The following FOXJ2 variants were observed in gnomAD, a reference collection of about 807,000 sequenced individuals.
FOXJ2 encodes forkhead box protein J2.
Under a neutral mutation model 68.4 loss-of-function variants are expected in FOXJ2, and 18 were observed. That is an observed-to-expected ratio of 0.26 (90% CI 0.18 to 0.39). The LOEUF (loss-of-function observed/expected upper bound fraction) is 0.39, where lower values mean the gene tolerates loss of function less well. FOXJ2 is among the 10% of genes least tolerant of loss of function. The pLI is 1.00. For missense variants in FOXJ2, 670 were observed against 726.5 expected, an observed-to-expected ratio of 0.92 and a Z score of 0.89; for synonymous variants, 274 against 263.2, an observed-to-expected ratio of 1.04 and a Z score of -0.40.
At chr12:8,039,238 A>T (rs930695743) in intron 1 of FOXJ2, among the ~76,000 whole-genome samples, 2 of 151,258 alleles carry the variant, frequency 1.3e-5, no homozygotes, top group Non-Finnish European at 2.9e-5. Context: ...GATATATCTA[A>T]TATGCCTCAG....
At chr12:8,043,487 G>A (rs1404950121) in intron 3 of FOXJ2, among the ~76,000 whole-genome samples, 1 of 152,142 alleles carries the variant, frequency 6.6e-6, no homozygotes, top group Admixed American at 6.5e-5. Flanking sequence ...CAGAAGGGAA[G>A]GGAGAGGCTG....
At position 8,043,690 on chromosome 12, in the gene FOXJ2, T is replaced by A. The variant is rs780550884; in HGVS notation, c.409-11T>A. On this transcript the variant is annotated splice_polypyrimidine_tract_variant and intron_variant, in intron 3 of 10. Coordinates refer to ENST00000162391, the MANE Select transcript of FOXJ2 (RefSeq NM_018416.3). ...AATTTTGTTTTCTGTGGGAATGGGA[T>A]CTCCTTCCAGGGTTCCTATTGGACA... 6.2e-7 allele frequency: 1 copy of A among 1,614,078 alleles called. No individual in the cohort carries two copies. The highest frequency in any genetic ancestry group is 8.5e-7 in the Non-Finnish European group (1 of 1,179,948).
chr12:8,050,948 C>G (rs1228490113), intron 10 of FOXJ2, among the ~76,000 whole-genome samples: 26 of 109,162 alleles, frequency 2.4e-4, no homozygotes, highest in Admixed American at 9.1e-5. Flanking sequence ...CCCTTCCCTT[C>G]CCCTTCCTTT....
In FOXJ2 at chr12:8,043,621, G is replaced by T. The variant is rs1429303406; in HGVS notation, c.409-80G>T. On this transcript the variant is annotated intron_variant, in intron 3 of 10. Coordinates refer to ENST00000162391, the MANE Select transcript of FOXJ2 (RefSeq NM_018416.3). Reference sequence around the variant, plus strand: ...CTCAGTGAGTTTCTAGGACAAATTTGCTCTTCATTAATACCCAGAACCCTG... The same window carrying T: ...CTCAGTGAGTTTCTAGGACAAATTTTCTCTTCATTAATACCCAGAACCCTG... 2.1e-6 allele frequency: 3 copies of T among 1,408,522 alleles called. No homozygotes were observed. In the Admixed American group the frequency reaches 5.2e-5, roughly 25 times the overall value. The allele number at this position is 1,408,522 out of a possible 1,614,324, so 87.3% of individuals were successfully genotyped here. A position where few individuals can be genotyped will look rare whatever the true frequency, so the allele number is the denominator to read the frequency against.
intron 1 of FOXJ2, among the ~76,000 whole-genome samples, 177 bp downstream of exon 1, chr12:8,034,010 G>A (rs996050554): frequency 1.3e-5 from 2 of 152,208 alleles, no homozygotes; most frequent in Non-Finnish European, 2.9e-5. Flanking sequence ...TGCTGCAGAA[G>A]CTCTGAGAAA....
chr12:8,036,855 G>A (rs934849121), intron 1 of FOXJ2, among the ~76,000 whole-genome samples: 5 of 152,108 alleles, frequency 3.3e-5, no homozygotes, highest in African/African-American at 4.8e-5. Context: ...TTGGGAGACC[G>A]AGATGGGTAG....
At chr12:8,034,794 C>T (rs1401102633) in intron 1 of FOXJ2, among the ~76,000 whole-genome samples, 1 of 152,180 alleles carries the variant, frequency 6.6e-6, no homozygotes, top group African/African-American at 2.4e-5. Flanking sequence ...TCCCTCGAAC[C>T]TTGTGTTAAA....
intron 8 of FOXJ2, 50 bp from the exon 9 acceptor site, chr12:8,049,312 G>C (rs767729710): frequency 2.0e-6 from 3 of 1,516,756 alleles, no homozygotes; most frequent in Admixed American, 3.6e-5. Context: ...GGGTCTGATA[G>C]GGGCTTCCTA....
intron 7 of FOXJ2, among the ~76,000 whole-genome samples, 193 bp from the exon 8 acceptor site, chr12:8,048,504 G>C (rs1240349729): frequency 6.6e-6 from 1 of 152,242 alleles, no homozygotes; most frequent in Non-Finnish European, 1.5e-5. Flanking sequence ...TCCTGACTAT[G>C]AGCCTGGCTG....
chr12:8,042,599 T>G, intron 2 of FOXJ2, 59 bp from the exon 3 acceptor site: 1 of 1,436,168 alleles, frequency 7.0e-7, no homozygotes, highest in Non-Finnish European at 9.8e-7. Flanking sequence ...CTGTGTTCTA[T>G]TGGAAAATGT....
chr12:8,039,898 T>C lies in FOXJ2; in HGVS notation c.66T>C (p.Ala22=), dbSNP rs766547030. Residue 22 remains alanine (A), a synonymous_variant, in exon 2 of 11, where the codon GCT becomes GCC. Coordinates refer to ENST00000162391, the MANE Select transcript of FOXJ2 (RefSeq NM_018416.3). ...IDWLPQLTLR[A]TIEKLGSASQ... ...GGCTCCCCCAGCTGACCCTCCGAGCTACCATTGAGAAGCTTGGAAGTGCCT... is the reference window on the plus strand; with the variant it reads ...GGCTCCCCCAGCTGACCCTCCGAGCCACCATTGAGAAGCTTGGAAGTGCCT... 14 of 1,614,032 alleles carry C rather than the reference T, an allele frequency of 8.7e-6. No individual in the cohort carries two copies. The East Asian group carries it at 2.7e-4, about 31-fold the overall frequency.
chr12:8,043,231 A>AC (rs1245199920), intron 3 of FOXJ2, among the ~76,000 whole-genome samples: 1 of 151,730 alleles, frequency 6.6e-6, no homozygotes, highest in East Asian at 1.9e-4. Flanking sequence ...AAAAAAAAAA[A>AC]AAAAAAAGAC....
intron 8 of FOXJ2, 134 bp from the exon 9 acceptor site, chr12:8,049,228 T>C: frequency 1.4e-6 from 1 of 692,858 alleles, no homozygotes; most frequent in Non-Finnish European, 2.5e-6. Flanking sequence ...CTCTGAAAGA[T>C]ATAAATTGTT....
Position 8,055,330 on chromosome 12 carries a change from C to A in FOXJ2, c.*2480C>A, listed in dbSNP as rs906282424. The A allele has an allele frequency of 6.6e-6, 1 of 152,522 alleles. No homozygotes were observed. The highest frequency in any genetic ancestry group is 1.5e-5 in the Non-Finnish European group (1 of 68,020). The allele number at this position is 152,522 out of a possible 1,614,324, so 9.4% of individuals were successfully genotyped here. A position where few individuals can be genotyped will look rare whatever the true frequency, so the allele number is the denominator to read the frequency against. On this transcript the variant is annotated 3_prime_UTR_variant, in exon 11 of 11. Transcript: ENST00000162391. ...GAGTAATTATTTGGTATAGATCCAC[C>A]CATCCCAACCTTTCTCTCCTCAGTC...
At chr12:8,044,637 C>A in intron 5 of FOXJ2, 123 bp from the exon 6 acceptor site, 2 of 901,256 alleles carry the variant, frequency 2.2e-6, no homozygotes, top group Non-Finnish European at 1.7e-6. Context: ...GAAAATGATG[C>A]TGGGTCATTG....
rs779197653 is a variant in FOXJ2 at position 8,050,288 on chromosome 12, A to G, written c.1538-234A>G. 1.1e-4 allele frequency: 140 copies of G among 1,253,786 alleles called. 1 individual carries two copies. The highest frequency in any genetic ancestry group is 1.4e-4 in the Non-Finnish European group (139 of 999,648). 77.7% of individuals were successfully genotyped at this position (1,253,786 alleles called of 1,614,324 possible). On this transcript the variant is annotated intron_variant, in intron 9 of 10. Transcript: ENST00000162391. ...ACCATACCTGGCCCTGTGTTTCTAT[A>G]TTTTTCTTCCTTATATCTTTCCTAT... is the stretch of plus-strand genomic sequence containing the variant.
intron 1 of FOXJ2, among the ~76,000 whole-genome samples, chr12:8,036,001 T>C (rs12321718): frequency 0.75 from 114,093 of 152,120 alleles, 43,478 homozygotes; most frequent in African/African-American, 0.83. Flanking sequence ...TGCTTCCACT[T>C]CTACCTCTAT....
rs763564059 is a variant in FOXJ2, at chr12:8,049,380, G to A, written c.1346G>A (p.Arg449Gln). 4 of 1,613,222 alleles carry A rather than the reference G, an allele frequency of 2.5e-6. No individual in the cohort carries two copies. The highest frequency in any genetic ancestry group is 1.7e-6 in the Non-Finnish European group (2 of 1,179,550). Residue 449 changes from arginine to glutamine, a missense_variant, in exon 9 of 11, where the codon CGA becomes CAA. Arg to Gln is a conservative substitution (Grantham distance 43, BLOSUM62 1). Coordinates refer to ENST00000162391, the MANE Select transcript of FOXJ2 (RefSeq NM_018416.3). ...TTTGTAGAACTGATGGAGAGTCTAC[G>A]ACAGGCAGAGCAGAAGAACTGGACC... ...SQFSELMESL[R>Q]QAEQKNWTLD...
intron 6 of FOXJ2, among the ~76,000 whole-genome samples, 154 bp from the exon 7 acceptor site, chr12:8,047,728 A>C (rs1297308193): frequency 6.6e-6 from 1 of 152,166 alleles, no homozygotes; most frequent in Non-Finnish European, 1.5e-5. Context: ...TGTACCTGCC[A>C]GGAGGGCCAC....
Sources: gnomAD v4.1 joint callset for allele counts (sites outside exome capture counted in the v4.1 genomes callset) on GRCh38, gnomAD v4.1.1 for gene constraint, MANE v1.5 for transcripts, NCBI Gene and HGNC (gene_info 2026-07-23, HGNC 2026-07-21) for gene names.